The following REDIC1 variants were observed in gnomAD, a reference collection of about 807,000 sequenced individuals.
REDIC1 encodes HEI10 Interacting Protein 1.
chr12:39,661,968 G>T, the REDIC1 span, among the ~76,000 whole-genome samples: 4 of 151,992 alleles, frequency 2.6e-5, no homozygotes, highest in South Asian at 8.3e-4. Context: ...AAATATATGG[G>T]TTTATTTCTG....
the REDIC1 span, among the ~76,000 whole-genome samples, chr12:39,733,568 C>T: frequency 2.0e-5 from 3 of 152,080 alleles, no homozygotes; most frequent in South Asian, 6.2e-4. Context: ...GCACAATGTG[C>T]AGGCTGCTGC....
the REDIC1 span, among the ~76,000 whole-genome samples, chr12:39,847,354 C>A: frequency 6.6e-6 from 1 of 152,116 alleles, no homozygotes; most frequent in African/African-American, 2.4e-5. Context: ...GGCTCCACCT[C>A]CCTCCTCCCG....
the REDIC1 span, among the ~76,000 whole-genome samples, chr12:39,846,438 CT>C: frequency 3.3e-5 from 5 of 152,118 alleles, no homozygotes; most frequent in Admixed American, 1.3e-4. Flanking sequence ...ATATGATCTT[CT>C]AAAATTCACT....
chr12:39,711,392 T>G, the REDIC1 span, among the ~76,000 whole-genome samples: 4 of 146,554 alleles, frequency 2.7e-5, no homozygotes, highest in African/African-American at 1.0e-4. Context: ...TGTATGTGTG[T>G]ACATATACAC....
the REDIC1 span, among the ~76,000 whole-genome samples, chr12:39,783,613 C>G: frequency 2.0e-5 from 3 of 152,202 alleles, no homozygotes; most frequent in Admixed American, 1.3e-4. Flanking sequence ...GCATTTCTCT[C>G]ATGGCCAGTA....
chr12:39,845,282 G>A, the REDIC1 span, among the ~76,000 whole-genome samples: 40 of 151,876 alleles, frequency 2.6e-4, no homozygotes, highest in Non-Finnish European at 4.1e-4. Context: ...ACCCATTTGT[G>A]CTATTTTGCT....
the REDIC1 span, among the ~76,000 whole-genome samples, chr12:39,715,596 C>A: frequency 6.6e-6 from 1 of 151,820 alleles, no homozygotes; most frequent in African/African-American, 2.4e-5. Context: ...TGTATGGAAC[C>A]GAAAAAGAGC....
the REDIC1 span, among the ~76,000 whole-genome samples, chr12:39,733,875 G>A: frequency 6.6e-6 from 1 of 152,196 alleles, no homozygotes; most frequent in African/African-American, 2.4e-5. Context: ...AGGCTACTTA[G>A]CTCCCTGGCT....
At chr12:39,858,912 A>G in the REDIC1 span, among the ~76,000 whole-genome samples, 1 of 152,084 alleles carries the variant, frequency 6.6e-6, no homozygotes, top group African/African-American at 2.4e-5. Flanking sequence ...GACCGTTTTT[A>G]CACATTTCTA....
the REDIC1 span, among the ~76,000 whole-genome samples, chr12:39,867,411 G>T: frequency 6.6e-6 from 1 of 151,944 alleles, no homozygotes. Context: ...TGGTTGAATG[G>T]ATGGGCCACC....
At chr12:39,853,999 C>T in the REDIC1 span, among the ~76,000 whole-genome samples, 12 of 152,032 alleles carry the variant, frequency 7.9e-5, no homozygotes, top group African/African-American at 2.9e-4. Flanking sequence ...AATACCTAGC[C>T]CTTCAATATG....
chr12:39,904,294 GGCAGATGTTCA>G, the REDIC1 span, among the ~76,000 whole-genome samples: 2 of 152,128 alleles, frequency 1.3e-5, no homozygotes, highest in Non-Finnish European at 2.9e-5. Context: ...CCAAATGGAA[GGCAGATGTTCA>G]GCAGAAACCA....
the REDIC1 span, among the ~76,000 whole-genome samples, chr12:39,668,595 T>C: frequency 1.2e-4 from 19 of 152,178 alleles, no homozygotes; most frequent in Admixed American, 1.2e-3. Flanking sequence ...CTGTTAAATG[T>C]TGGCCTGCCT....
chr12:39,712,479 TACAGGTATATATACG>T, the REDIC1 span, among the ~76,000 whole-genome samples: 2 of 132,966 alleles, frequency 1.5e-5, no homozygotes, highest in African/African-American at 5.5e-5. Context: ...TATATATACA[TACAGGTATATATACG>T]ACGTATATAC....
At chr12:39,820,535 G>A in the REDIC1 span, among the ~76,000 whole-genome samples, 69 of 152,144 alleles carry the variant, frequency 4.5e-4, no homozygotes, top group African/African-American at 1.6e-3. Flanking sequence ...AACCAAGAGA[G>A]TAGGAAGGAC....
chr12:39,657,047 T>C, the REDIC1 span, among the ~76,000 whole-genome samples: 1 of 152,202 alleles, frequency 6.6e-6, no homozygotes, highest in Non-Finnish European at 1.5e-5. Flanking sequence ...GTTTATAGTC[T>C]ACAGTAGTGT....
the REDIC1 span, among the ~76,000 whole-genome samples, chr12:39,714,125 A>G: frequency 1.3e-5 from 2 of 150,646 alleles, no homozygotes; most frequent in African/African-American, 4.9e-5. Flanking sequence ...GTGTATATGT[A>G]TATATGTACA....
chr12:39,710,880 T>C, the REDIC1 span, among the ~76,000 whole-genome samples: 100 of 151,806 alleles, frequency 6.6e-4, no homozygotes, highest in Non-Finnish European at 1.3e-3. Context: ...TAAGTGTTTT[T>C]TTTTCAGTAT....
the REDIC1 span, chr12:39,626,442 C>A: frequency 6.4e-7 from 1 of 1,566,742 alleles, no homozygotes; most frequent in South Asian, 1.1e-5. Context: ...AGGTCACAGC[C>A]TTAGCTGGAA....
Sources: allele counts gnomAD v4.1 joint callset (sites outside exome capture counted in the v4.1 genomes callset), GRCh38; gene constraint gnomAD v4.1.1; transcripts MANE v1.5; gene names NCBI Gene and HGNC (gene_info 2026-07-23, HGNC 2026-07-21).